The following ZMAT4 variants were observed in gnomAD, a reference collection of about 807,000 sequenced individuals.
ZMAT4 encodes the protein zinc finger matrin-type 4, also known as zinc finger matrin-type protein 4.
A neutral mutation model predicts 28.7 loss-of-function variants in ZMAT4; 17 were observed. The ratio of observed to expected loss-of-function variants is 0.59; its 90% CI spans 0.41 to 0.89. The LOEUF is 0.89. Among genes scored for constraint, ZMAT4 ranks in the 40% least tolerant of loss-of-function variants. ZMAT4 has a pLI of 0.00. For synonymous variants in ZMAT4, 117 were observed against 109.2 expected (o/e 1.07, Z -0.44); for missense variants, 240 against 283.8 (o/e 0.85, Z 1.11).
At chr8:40,628,713 A>G (rs983415188) in intron 5 of ZMAT4, among the ~76,000 whole-genome samples, 1 of 152,192 alleles carries the variant, frequency 6.6e-6, no homozygotes, top group African/African-American at 2.4e-5. Context: ...GGACATGATT[A>G]CTAACTTGGA....
intron 1 of ZMAT4, among the ~76,000 whole-genome samples, chr8:40,833,495 C>A (rs1007585513): frequency 2.1e-5 from 3 of 141,396 alleles, no homozygotes; most frequent in African/African-American, 7.9e-5. Flanking sequence ...TTGAACCCGG[C>A]AGGCAGAGGT....
At position 40,721,151 on chromosome 8, in the gene ZMAT4, C is replaced by T. The variant is rs552031887; in HGVS notation, c.193-23750G>A. On this transcript the variant is annotated intron_variant, in intron 3 of 6. Transcript: ENST00000297737. ...CCCTCCCCCCACCCCACCACAGTCC[C>T]TAGAGTGTGATATTCCCCTTCCTGT... Among the ~76,000 whole-genome samples the T allele has an allele frequency of 4.2e-4, 57 of 135,180 alleles. 1 individual carries two copies. In the South Asian group the frequency reaches 0.014, roughly 34 times the overall value. The allele number at this position is 135,180 out of a possible 152,430, so 88.7% of individuals were successfully genotyped here. A position where few individuals can be genotyped will look rare whatever the true frequency, so the allele number is the denominator to read the frequency against.
At chr8:40,584,561 T>TAGAAAC (rs1484471555) in intron 5 of ZMAT4, among the ~76,000 whole-genome samples, 1 of 152,194 alleles carries the variant, frequency 6.6e-6, no homozygotes, top group Non-Finnish European at 1.5e-5. Context: ...CTTGCCCTAG[T>TAGAAAC]TTCTATCTAA....
chr8:40,682,144 A>G (rs1809197003), intron 4 of ZMAT4, among the ~76,000 whole-genome samples: 1 of 152,174 alleles, frequency 6.6e-6, no homozygotes. Context: ...GTACTCATGG[A>G]TATATACTCC....
At chr8:40,758,395 ACC>A (rs1285420773) in intron 3 of ZMAT4, among the ~76,000 whole-genome samples, 4 of 152,328 alleles carry the variant, frequency 2.6e-5, no homozygotes, top group East Asian at 3.9e-4. Flanking sequence ...TTCATTAGTC[ACC>A]ATGACTCTTT....
At chr8:40,621,831 T>C (rs1296017746) in intron 5 of ZMAT4, among the ~76,000 whole-genome samples, 2 of 152,206 alleles carry the variant, frequency 1.3e-5, no homozygotes, top group African/African-American at 4.8e-5. Flanking sequence ...GGTTCTTTGA[T>C]ACCATCTATG....
chr8:40,762,650 CATCTCTAAAAATAAAAAAAA>C (rs1235561621), intron 3 of ZMAT4, among the ~76,000 whole-genome samples: 15 of 151,952 alleles, frequency 9.9e-5, no homozygotes, highest in Non-Finnish European at 5.9e-5. Flanking sequence ...AGCAAGACCC[CATCTCTAAAAATAAAAAAAA>C]CAAAAATGAA....
intron 2 of ZMAT4, among the ~76,000 whole-genome samples, chr8:40,770,090 G>T (rs1007502761): frequency 5.9e-5 from 9 of 152,074 alleles, no homozygotes; most frequent in Non-Finnish European, 1.2e-4. Flanking sequence ...CTTGCCTAGG[G>T]TTTCCGGTGA....
intron 6 of ZMAT4, among the ~76,000 whole-genome samples, chr8:40,574,282 A>G (rs1407602674): frequency 6.6e-6 from 1 of 152,192 alleles, no homozygotes; most frequent in African/African-American, 2.4e-5. Context: ...CTAGGGAAAA[A>G]GAAAAACATT....
intron 5 of ZMAT4, among the ~76,000 whole-genome samples, chr8:40,601,045 T>C (rs1162254847): frequency 6.6e-6 from 1 of 152,144 alleles, no homozygotes; most frequent in Admixed American, 6.5e-5. Context: ...GAGACTCACT[T>C]TTAGCACCCC....
intron 1 of ZMAT4, among the ~76,000 whole-genome samples, chr8:40,885,711 G>A (rs562903448): frequency 1.3e-5 from 2 of 152,262 alleles, no homozygotes; most frequent in South Asian, 4.2e-4. Context: ...AGCACACCCT[G>A]TCCTCGCTGC....
chr8:40,776,834 T>C (rs1813615291), intron 2 of ZMAT4, among the ~76,000 whole-genome samples: 1 of 149,334 alleles, frequency 6.7e-6, no homozygotes, highest in Non-Finnish European at 1.5e-5. Context: ...TCTATAAAAT[T>C]TGTGGCTGGA....
intron 2 of ZMAT4, among the ~76,000 whole-genome samples, chr8:40,795,066 C>T (rs1345428842): frequency 1.3e-5 from 2 of 152,130 alleles, no homozygotes; most frequent in Non-Finnish European, 2.9e-5. Context: ...TCTCCACTTA[C>T]CAATGTCTCA....
intron 4 of ZMAT4, among the ~76,000 whole-genome samples, chr8:40,678,780 G>A (rs905327511): frequency 1.1e-4 from 17 of 152,162 alleles, no homozygotes; most frequent in East Asian, 1.9e-4. Flanking sequence ...AAAAACCCCC[G>A]AAACTCAAGT....
At chr8:40,711,277 T>C (rs1810606259) in intron 3 of ZMAT4, among the ~76,000 whole-genome samples, 1 of 152,182 alleles carries the variant, frequency 6.6e-6, no homozygotes, top group African/African-American at 2.4e-5. Flanking sequence ...TCACTTGTTA[T>C]AAAATTATTC....
At chr8:40,759,006 C>T (rs1190079244) in intron 3 of ZMAT4, among the ~76,000 whole-genome samples, 1 of 151,912 alleles carries the variant, frequency 6.6e-6, no homozygotes, top group Non-Finnish European at 1.5e-5. Context: ...CAGTCTAGGC[C>T]AGGTGCAGTG....
intron 5 of ZMAT4, among the ~76,000 whole-genome samples, chr8:40,600,948 C>T (rs1184283350): frequency 2.6e-5 from 4 of 152,130 alleles, no homozygotes; most frequent in African/African-American, 9.7e-5. Flanking sequence ...CTGTTCCATC[C>T]ACACCTGAAC....
At chr8:40,604,742 G>A (rs764398064) in intron 5 of ZMAT4, among the ~76,000 whole-genome samples, 10 of 152,100 alleles carry the variant, frequency 6.6e-5, no homozygotes, top group South Asian at 2.1e-4. Context: ...CTCATAGAAC[G>A]ATTTAGAAAG....
intron 6 of ZMAT4, among the ~76,000 whole-genome samples, chr8:40,550,815 C>G (rs1195713696): frequency 6.6e-6 from 1 of 152,082 alleles, no homozygotes; most frequent in Non-Finnish European, 1.5e-5. Flanking sequence ...TATAAATTAC[C>G]CAGTTTCAAG....
Sources: allele counts gnomAD v4.1 joint callset (sites outside exome capture counted in the v4.1 genomes callset), GRCh38; gene constraint gnomAD v4.1.1; transcripts MANE v1.5; gene names NCBI Gene and HGNC (gene_info 2026-07-23, HGNC 2026-07-21).